Variants in TBK1 observed in about 807,000 individuals in gnomAD.
TBK1 encodes TANK binding kinase 1, also known as serine/threonine-protein kinase TBK1.
TBK1 carries 37 observed loss-of-function variants against 99.9 expected under a neutral mutation model. The ratio of observed to expected loss-of-function variants is 0.37; its 90% CI spans 0.28 to 0.49. The LOEUF (loss-of-function observed/expected upper bound fraction) is 0.49. TBK1 is among the 20% of genes least tolerant of loss of function. TBK1 has a pLI of 0.98. For missense variants in TBK1, 644 were observed against 872.5 expected (o/e 0.74, Z 3.30); for synonymous variants, 258 against 279.8 (o/e 0.92, Z 0.78).
chr12:64,490,808 G>C (rs2040861985), intron 13 of TBK1, among the ~76,000 whole-genome samples: 1 of 151,904 alleles, frequency 6.6e-6, no homozygotes, highest in African/African-American at 2.4e-5. Flanking sequence ...TGTAATCCCA[G>C]CTACTTGGGA....
chr12:64,498,810 G>A (rs1379972755), intron 20 of TBK1, among the ~76,000 whole-genome samples: 2 of 151,766 alleles, frequency 1.3e-5, no homozygotes, highest in Admixed American at 1.3e-4. Flanking sequence ...ACAAAAATTA[G>A]CTGGGCATGG....
intron 4 of TBK1, among the ~76,000 whole-genome samples, 165 bp downstream of exon 4, chr12:64,464,628 T>C (rs1249449210): frequency 6.6e-6 from 1 of 152,178 alleles, no homozygotes; most frequent in Non-Finnish European, 1.5e-5. Context: ...TCATCAGCAT[T>C]AAACATTTTT....
At chr12:64,499,730 G>A (rs868773640) in intron 20 of TBK1, among the ~76,000 whole-genome samples, 15 of 114,106 alleles carry the variant, frequency 1.3e-4, no homozygotes, top group African/African-American at 1.0e-4. Context: ...ATGGAGTCTC[G>A]CTTTGTCGCC....
chr12:64,468,130 G>C (rs1420207894), intron 5 of TBK1, among the ~76,000 whole-genome samples: 1 of 152,112 alleles, frequency 6.6e-6, no homozygotes, highest in African/African-American at 2.4e-5. Context: ...TGAGGCAACA[G>C]TAAGCTATGA....
rs375229900 is a variant in TBK1, at chr12:64,497,196, G to A, written c.1896G>A (p.Ser632=). 8 of 1,599,312 alleles carry A rather than the reference G, an allele frequency of 5.0e-6. No homozygotes were observed. Among genetic ancestry groups the A allele is most frequent in the African/African-American group, 2.7e-5 (2 of 74,500 alleles). Residue 632 remains serine (S), a synonymous_variant, in exon 18 of 21, where the codon TCG becomes TCA. Coordinates refer to ENST00000331710, the MANE Select transcript of TBK1 (RefSeq NM_013254.4). ...TTCATCTTAGGAAACAGTTATTATC[G>A]CTGACTAATCAGTGTTTTGATATTG... The part of the protein sequence containing the change: ...KMLHLRKQLL[S]LTNQCFDIEE...
intron 5 of TBK1, among the ~76,000 whole-genome samples, chr12:64,468,459 C>T (rs1400413325): frequency 1.3e-5 from 2 of 151,292 alleles, no homozygotes; most frequent in African/African-American, 2.4e-5. Context: ...CCACTGCACT[C>T]CAGCCTGGGT....
intron 13 of TBK1, among the ~76,000 whole-genome samples, chr12:64,491,214 A>G (rs2040866232): frequency 6.6e-6 from 1 of 152,148 alleles, no homozygotes; most frequent in Non-Finnish European, 1.5e-5. Context: ...CTGGCTACTT[A>G]AGCAAGGCCT....
At chr12:64,498,195 C>G (rs1160969289) in intron 20 of TBK1, among the ~76,000 whole-genome samples, 156 bp downstream of exon 20, 1 of 152,162 alleles carries the variant, frequency 6.6e-6, no homozygotes, top group Non-Finnish European at 1.5e-5. Flanking sequence ...TCTGTGATGC[C>G]TTTTAATGGT....
At chr12:64,471,160 G>T (rs2040658008) in intron 5 of TBK1, among the ~76,000 whole-genome samples, 1 of 151,918 alleles carries the variant, frequency 6.6e-6, no homozygotes, top group Admixed American at 6.6e-5. Context: ...TTCTTCTACT[G>T]TTTTTTGTTT....
At chr12:64,476,988 C>G (rs1308331956) in intron 6 of TBK1, among the ~76,000 whole-genome samples, 1 of 152,036 alleles carries the variant, frequency 6.6e-6, no homozygotes, top group African/African-American at 2.4e-5. Context: ...AGATGTATGG[C>G]TTTATTTTAG....
At position 64,473,255 on chromosome 12, in the gene TBK1, T is replaced by C. The variant is rs143669410; in HGVS notation, c.541-975T>C. On this transcript the variant is annotated intron_variant, in intron 5 of 20. Transcript: ENST00000331710. ...TGAAGCTCAGGGCCCAAGGTAGTTTTGGAAGTTAAAGCATACATATGATAT... is the reference window on the plus strand; with the variant it reads ...TGAAGCTCAGGGCCCAAGGTAGTTTCGGAAGTTAAAGCATACATATGATAT... Among the ~76,000 whole-genome samples, 853 of 152,296 alleles carry C rather than the reference T, an allele frequency of 5.6e-3. 10 individuals are homozygous for C. Among genetic ancestry groups the C allele is most frequent in the African/African-American group, 0.019 (778 of 41,570 alleles).
intron 12 of TBK1, among the ~76,000 whole-genome samples, chr12:64,489,368 A>T (rs548469511): frequency 4.9e-4 from 75 of 152,336 alleles, no homozygotes; most frequent in African/African-American, 1.8e-3. Context: ...TACTATTTGT[A>T]CTGCAGAGGA....
At chr12:64,476,694 T>A (rs1387932950) in intron 6 of TBK1, among the ~76,000 whole-genome samples, 3 of 152,142 alleles carry the variant, frequency 2.0e-5, no homozygotes, top group Non-Finnish European at 4.4e-5. Flanking sequence ...TTTGTCTATT[T>A]TTTATTTTGT....
At chr12:64,460,133 T>G in intron 2 of TBK1, 56 bp from the exon 3 acceptor site, 1 of 1,213,178 alleles carries the variant, frequency 8.2e-7, no homozygotes, top group East Asian at 2.9e-5. Context: ...ATGCTACCTT[T>G]TAATCTCTTT....
intron 8 of TBK1, 150 bp downstream of exon 8, chr12:64,482,171 T>C: frequency 2.2e-6 from 1 of 456,870 alleles, no homozygotes; most frequent in Non-Finnish European, 3.6e-6. Context: ...AGTAAATTCC[T>C]TTTCACTTAT....
intron 5 of TBK1, among the ~76,000 whole-genome samples, chr12:64,469,521 G>A (rs988094095): frequency 6.6e-6 from 1 of 152,168 alleles, no homozygotes; most frequent in Admixed American, 6.5e-5. Context: ...GCTAGACCAT[G>A]CTTTCTGCTT....
intron 18 of TBK1, 143 bp from the exon 19 acceptor site, chr12:64,497,505 C>A: frequency 1.6e-6 from 1 of 611,002 alleles, no homozygotes. Flanking sequence ...ATTGTATCAT[C>A]GATAGTTTTG....
intron 2 of TBK1, among the ~76,000 whole-genome samples, chr12:64,459,050 G>A (rs2040520083): frequency 6.6e-6 from 1 of 152,200 alleles, no homozygotes; most frequent in South Asian, 2.1e-4. Flanking sequence ...TGGAGTGAGA[G>A]AGGAGGGTGA....
At chr12:64,496,512 T>C (rs1282643429) in intron 16 of TBK1, 106 bp downstream of exon 16, 4 of 554,426 alleles carry the variant, frequency 7.2e-6, no homozygotes, top group South Asian at 6.9e-5. Flanking sequence ...TAAAAATACA[T>C]TTTAATCTTG....
Sources: gnomAD v4.1 joint callset for allele counts (sites outside exome capture counted in the v4.1 genomes callset) on GRCh38, gnomAD v4.1.1 for gene constraint, MANE v1.5 for transcripts, NCBI Gene and HGNC (gene_info 2026-07-23, HGNC 2026-07-21) for gene names.